The following IRAG2 variants were observed in gnomAD, a reference collection of about 807,000 sequenced individuals.
IRAG2 encodes the protein lymphoid restricted membrane protein.
IRAG2 carries 45 observed loss-of-function variants against 69.9 expected under a neutral mutation model. The ratio of observed to expected loss-of-function variants is 0.64; its 90% CI spans 0.51 to 0.83. IRAG2 has a LOEUF of 0.83. Among genes scored for constraint, IRAG2 ranks in the 40% least tolerant of loss-of-function variants. The probability of loss-of-function intolerance (pLI) is 0.00; values close to 1 mark genes in which losing one functional copy is unlikely to be tolerated. For missense variants in IRAG2, 520 were observed against 587.0 expected (o/e 0.89, Z 1.18); for synonymous variants, 193 against 202.4 (o/e 0.95, Z 0.40).
At chr12:25,106,647 TTTGTATATACTTGGCTAATATTCTA>T (rs201704820) in intron 20 of IRAG2, among the ~76,000 whole-genome samples, 3,293 of 149,318 alleles carry the variant, frequency 0.022, 62 homozygotes, top group Non-Finnish European at 0.032. Flanking sequence ...ATTTTCCCTT[TTTGTATATACTTGGCTAATATTCTA>T]TTGTATATAC....
At chr12:25,004,458 C>G in exon 1 of IRAG2, 1 of 1,232,096 alleles carries the variant, frequency 8.1e-7, no homozygotes, top group Non-Finnish European at 1.0e-6. Context: ...AGCAGATTAT[C>G]AAATACCAAT....
chr12:25,002,842 A>G (rs1261013310), upstream of IRAG2, among the ~76,000 whole-genome samples: 1 of 151,988 alleles, frequency 6.6e-6, no homozygotes, highest in African/African-American at 2.4e-5. Flanking sequence ...GGGTTTCACC[A>G]TGTTGGCCAA....
intron 1 of IRAG2, among the ~76,000 whole-genome samples, chr12:25,055,024 A>G (rs191274551): frequency 1.3e-5 from 2 of 152,208 alleles, no homozygotes; most frequent in African/African-American, 4.8e-5. Context: ...AAACATATTT[A>G]TATCTATTTA....
At chr12:25,060,050 A>T (rs1426758837) in intron 1 of IRAG2, among the ~76,000 whole-genome samples, 2 of 152,210 alleles carry the variant, frequency 1.3e-5, no homozygotes, top group Non-Finnish European at 2.9e-5. Context: ...TTTTAAAAAA[A>T]AGTGGTAGCT....
At chr12:25,093,857 G>T (rs994985941) in intron 14 of IRAG2, 1 of 153,244 alleles carries the variant, frequency 6.5e-6, no homozygotes, top group Non-Finnish European at 1.5e-5. Context: ...TGAATATCAT[G>T]GACCTGCATG....
At chr12:25,077,209 G>A (rs940731818) in intron 6 of IRAG2, among the ~76,000 whole-genome samples, 1 of 33,722 alleles carries the variant, frequency 3.0e-5, no homozygotes, top group Non-Finnish European at 7.4e-5. Context: ...ATATATATAT[G>A]ATATATATGA....
chr12:24,999,497 A>G (rs73297359), upstream of IRAG2, among the ~76,000 whole-genome samples: 3,718 of 152,316 alleles, frequency 0.024, 96 homozygotes, highest in African/African-American at 0.065. Context: ...TTCAATCAAT[A>G]GGAGGAATAA....
At chr12:25,099,750 CT>C (rs1441845892) in intron 15 of IRAG2, among the ~76,000 whole-genome samples, 3 of 152,018 alleles carry the variant, frequency 2.0e-5, no homozygotes, top group African/African-American at 7.3e-5. Context: ...GCCTGTAATC[CT>C]AGCACCTTGG....
At chr12:25,064,572 C>T (rs560653083) in intron 4 of IRAG2, among the ~76,000 whole-genome samples, 22 of 152,084 alleles carry the variant, frequency 1.4e-4, no homozygotes, top group South Asian at 4.2e-4. Context: ...CTAAAATTAA[C>T]GTCTAGTTCT....
intron 6 of IRAG2, among the ~76,000 whole-genome samples, chr12:25,070,274 C>T (rs1377228500): frequency 6.6e-6 from 1 of 152,172 alleles, no homozygotes; most frequent in African/African-American, 2.4e-5. Flanking sequence ...CCTATTTCCT[C>T]CTGTCCCCAA....
intron 10 of IRAG2, among the ~76,000 whole-genome samples, chr12:25,086,095 T>C (rs1947586189): frequency 6.6e-6 from 1 of 152,166 alleles, no homozygotes; most frequent in African/African-American, 2.4e-5. Flanking sequence ...AAAAAAAATA[T>C]AGACATAAAG....
chr12:25,037,829 A>G (rs961935697), intron 15 of IRAG2: 6 of 394,732 alleles, frequency 1.5e-5, no homozygotes, highest in East Asian at 3.6e-5. Context: ...TTAACATACA[A>G]TTGAGAATTG....
chr12:25,082,473 G>A (rs998253398), intron 9 of IRAG2, among the ~76,000 whole-genome samples: 7 of 151,996 alleles, frequency 4.6e-5, no homozygotes, highest in African/African-American at 1.7e-4. Context: ...GGTGGTGCAT[G>A]CCTGCAGTCC....
chr12:25,057,949 G>A (rs993923298), intron 1 of IRAG2, among the ~76,000 whole-genome samples: 3 of 152,116 alleles, frequency 2.0e-5, no homozygotes, highest in African/African-American at 4.8e-5. Flanking sequence ...TTATTGAGTT[G>A]TATTTCCTTG....
In IRAG2 at chr12:25,030,948, TTAGATAGATACA is replaced by T. The variant is rs537239614; in HGVS notation, c.1518+625_1518+636del. The T allele has an allele frequency of 2.1e-4, 178 of 830,920 alleles. No homozygotes were observed. In the South Asian group the frequency reaches 7.6e-3, roughly 36 times the overall value. The allele number at this position is 830,920 out of a possible 1,614,324, so 51.5% of individuals were successfully genotyped here. A position where few individuals can be genotyped will look rare whatever the true frequency, so the allele number is the denominator to read the frequency against. ...TTTGAAACCCAATTTGATTGATTGA[TTAGATAGATACA>T]TAGATAGATATCATTCTATTCTTGT... On this transcript the variant is annotated intron_variant, in intron 10 of 38. Coordinates refer to the IRAG2 transcript ENST00000636465.
chr12:25,004,678 A>C lies in IRAG2; in HGVS notation c.337A>C (p.Ile113Leu), dbSNP rs947564081. 17 of 1,232,076 alleles carry C rather than the reference A, an allele frequency of 1.4e-5. No homozygotes were observed. In the African/African-American group the frequency reaches 2.3e-4, roughly 17 times the overall value. The allele number at this position is 1,232,076 out of a possible 1,614,324, so 76.3% of individuals were successfully genotyped here. A position where few individuals can be genotyped will look rare whatever the true frequency, so the allele number is the denominator to read the frequency against. ...CCCTGAGACTGCAACATACTCTGTT[A>C]TTCTCACAAGTTCTGAAAACGTCTC... Residue 113 changes from isoleucine (I) to leucine (L), a missense_variant, in exon 1 of 39, where the codon ATT becomes CTT. Coordinates refer to the IRAG2 transcript ENST00000636465.
rs75468953 is a variant in IRAG2, at chr12:25,010,444, C to T, written c.689-900C>T. ...GTGAACCAGGAGCATTCCAGCTGAG[C>T]AACATAGCAAGACCCTGTGTCAAAA... On this transcript the variant is annotated intron_variant, in intron 2 of 38. Transcript: ENST00000636465. Among the ~76,000 whole-genome samples the T allele has an allele frequency of 9.1e-3, 1,366 of 150,026 alleles. 20 individuals carry two copies. Among genetic ancestry groups the T allele is most frequent in the African/African-American group, 0.032 (1,317 of 40,636 alleles).
In IRAG2 at chr12:25,052,878, C is replaced by A. The variant is rs1944929196; in HGVS notation, c.-525C>A. 1 of 398,446 alleles carries A rather than the reference C, an allele frequency of 2.5e-6. No homozygotes were observed. The highest frequency in any genetic ancestry group is 2.1e-5 in the African/African-American group (1 of 48,598). 24.7% of individuals were successfully genotyped at this position (398,446 alleles called of 1,614,324 possible). A position where few individuals can be genotyped will look rare whatever the true frequency, so the allele number is the denominator to read the frequency against. On this transcript the variant is annotated 5_prime_UTR_variant, in exon 1 of 22. Coordinates refer to ENST00000556887, the MANE Select transcript of IRAG2 (RefSeq NM_001366544.2). ...TAAATTAGAGGAAGCAATTTCGGAA[C>A]AACGGAACCTTCAAACTATAAATAC...
intron 7 of IRAG2, among the ~76,000 whole-genome samples, chr12:25,023,596 G>A (rs1944600079): frequency 6.6e-6 from 1 of 152,214 alleles, no homozygotes; most frequent in South Asian, 2.1e-4. Flanking sequence ...AGCAGGGAAA[G>A]AAGCCAGGTT....
Sources: allele counts gnomAD v4.1 joint callset (sites outside exome capture counted in the v4.1 genomes callset), GRCh38; gene constraint gnomAD v4.1.1; transcripts MANE v1.5; gene names NCBI Gene and HGNC (gene_info 2026-07-23, HGNC 2026-07-21).